ZNF221: variants seen among roughly 807,000 people sequenced by gnomAD.
The protein encoded by ZNF221 is zinc finger protein 221.
ZNF221 carries 10 observed loss-of-function variants against 12.6 expected under a neutral mutation model. That is an observed-to-expected ratio of 0.79 (90% confidence interval 0.49 to 1.34). The LOEUF is 1.34. Among genes scored for constraint, ZNF221 ranks in the 40% most tolerant of loss-of-function variants. ZNF221 has a pLI of 0.00. For missense variants in ZNF221, 661 were observed against 721.4 expected, an observed-to-expected ratio of 0.92 and a Z score of 0.96; for synonymous variants, 232 against 244.0, an observed-to-expected ratio of 0.95 and a Z score of 0.46.
At chr19:43,977,799 A>T in the ZNF221 span, among the ~76,000 whole-genome samples, 2 of 152,166 alleles carry the variant, frequency 1.3e-5, no homozygotes, top group African/African-American at 4.8e-5. Context: ...TAAATAATGT[A>T]TTTTCATGAT....
chr19:43,953,454 G>A (rs1239174043), intron 1 of ZNF221, among the ~76,000 whole-genome samples: 2 of 151,992 alleles, frequency 1.3e-5, no homozygotes, highest in Non-Finnish European at 2.9e-5. Context: ...GTTTTTTATG[G>A]AAACTTCATT....
rs750594898 is a variant in ZNF221 at position 43,967,033 on chromosome 19, T to G, written c.1531T>G (p.Cys511Gly). ...GGAAAAACCTTTCAAATGTGAAGAG[T>G]GTGGAAAGAGATTTACTCAGAGTTC... ...SGEKPFKCEE[C>G]GKRFTQSSQL... The change falls in exon 5 of 5, where the codon TGT becomes GGT. Residue 511 changes from cysteine (C) to glycine (G), a missense_variant. Cys to Gly is a radical substitution (Grantham distance 159). Transcript: ENST00000587682. The G allele has an allele frequency of 1.3e-6, 2 of 1,596,206 alleles. No individual in the cohort carries two copies. The highest frequency in any genetic ancestry group is 8.6e-7 in the Non-Finnish European group (1 of 1,169,252).
intron 1 of ZNF221, among the ~76,000 whole-genome samples, chr19:43,958,256 T>A (rs1056056200): frequency 6.6e-6 from 1 of 152,228 alleles, no homozygotes; most frequent in Non-Finnish European, 1.5e-5. Flanking sequence ...TTGAGTTTTC[T>A]TTTTACAAAA....
At chr19:43,977,868 G>T in the ZNF221 span, among the ~76,000 whole-genome samples, 11 of 152,152 alleles carry the variant, frequency 7.2e-5, no homozygotes, top group Non-Finnish European at 1.6e-4. Context: ...GACCACCTCT[G>T]GGTTCTGTGA....
At chr19:43,962,568 C>T (rs1414429713) in intron 1 of ZNF221, among the ~76,000 whole-genome samples, 157 bp from the exon 2 acceptor site, 1 of 152,126 alleles carries the variant, frequency 6.6e-6, no homozygotes, top group Non-Finnish European at 1.5e-5. Context: ...TATTCATTTA[C>T]CCGTAGGAGG....
At chr19:43,951,849 CTTTTTTTTTTTTTTTTTTTTTTTTTT>C (rs758081943) in intron 1 of ZNF221, among the ~76,000 whole-genome samples, 2 of 62,552 alleles carry the variant, frequency 3.2e-5, no homozygotes, top group South Asian at 6.1e-4. Context: ...TCTTTGACCT[CTTTTTTTTTTTTTTTTTTTTTTTTTT>C]TTTTTTTTTT....
At chr19:43,970,920 G>A (rs117933747), downstream of ZNF221, among the ~76,000 whole-genome samples, 4,684 of 152,106 alleles carry the variant, frequency 0.031, 79 homozygotes, top group African/African-American at 0.057. Flanking sequence ...AGAGAACCCC[G>A]GTAAGATACT....
At chr19:43,962,841 T>C in intron 2 of ZNF221, 34 bp downstream of exon 2, 2 of 1,579,520 alleles carry the variant, frequency 1.3e-6, no homozygotes, top group Non-Finnish European at 1.7e-6. Context: ...CTGTTAAAAT[T>C]CCATCTTACT....
At chr19:43,952,139 C>T (rs1446164745) in intron 1 of ZNF221, among the ~76,000 whole-genome samples, 2 of 152,132 alleles carry the variant, frequency 1.3e-5, no homozygotes, top group African/African-American at 4.8e-5. Context: ...TCCCAAAGTG[C>T]TGGGATTACA....
chr19:43,980,842 C>T, the ZNF221 span, among the ~76,000 whole-genome samples: 2 of 152,158 alleles, frequency 1.3e-5, no homozygotes, highest in African/African-American at 2.4e-5. Context: ...AACATTTTGA[C>T]TCATCCAAGA....
downstream of ZNF221, among the ~76,000 whole-genome samples, chr19:43,968,529 A>T (rs1975026180): frequency 1.3e-5 from 2 of 152,252 alleles, no homozygotes; most frequent in Admixed American, 1.3e-4. Flanking sequence ...GTGATATTAA[A>T]GGATCAAAAG....
At chr19:43,972,216 A>C (rs1975112553), downstream of ZNF221, among the ~76,000 whole-genome samples, 1 of 152,218 alleles carries the variant, frequency 6.6e-6, no homozygotes. Flanking sequence ...AGATCAAGAA[A>C]TTATTTGAAA....
At chr19:43,976,042 AG>A in the ZNF221 span, among the ~76,000 whole-genome samples, 1 of 152,154 alleles carries the variant, frequency 6.6e-6, no homozygotes, top group Admixed American at 6.6e-5. Context: ...CAGGATTCAC[AG>A]TAAACACTTT....
intron 2 of ZNF221, among the ~76,000 whole-genome samples, chr19:43,964,029 T>C (rs1974894874): frequency 6.6e-6 from 1 of 152,116 alleles, no homozygotes; most frequent in Non-Finnish European, 1.5e-5. Flanking sequence ...GAGAATAAAG[T>C]CTATATAAAA....
chr19:43,979,283 CT>C, the ZNF221 span, among the ~76,000 whole-genome samples: 1 of 152,080 alleles, frequency 6.6e-6, no homozygotes, highest in Admixed American at 6.6e-5. Context: ...AACCTCATTT[CT>C]AATGCCTGCT....
chr19:43,963,475 G>T (rs1974883845), intron 2 of ZNF221, among the ~76,000 whole-genome samples: 1 of 152,182 alleles, frequency 6.6e-6, no homozygotes, highest in African/African-American at 2.4e-5. Context: ...TTTTCACACA[G>T]GAAGAGCTAG....
the ZNF221 span, among the ~76,000 whole-genome samples, chr19:43,979,474 A>C: frequency 1.7e-4 from 26 of 151,478 alleles, no homozygotes. Context: ...TTTAGCCCAT[A>C]ATCAGTTGGC....
At chr19:43,974,931 C>T in the ZNF221 span, among the ~76,000 whole-genome samples, 1 of 151,726 alleles carries the variant, frequency 6.6e-6, no homozygotes. Flanking sequence ...GAGGCTGAGG[C>T]ATGAGAATTG....
At chr19:43,960,292 C>T (rs1340299381) in intron 1 of ZNF221, 1 of 152,168 alleles carries the variant, frequency 6.6e-6, no homozygotes, top group Non-Finnish European at 1.5e-5. Flanking sequence ...CTCACTGCTT[C>T]AAACAGCCTA....
Sources: allele counts gnomAD v4.1 joint callset (sites outside exome capture counted in the v4.1 genomes callset), GRCh38; gene constraint gnomAD v4.1.1; transcripts MANE v1.5; gene names NCBI Gene and HGNC (gene_info 2026-07-23, HGNC 2026-07-21).